Variants in CDH11 observed in about 807,000 individuals in gnomAD.
CDH11 encodes cadherin 11, also known as cadherin-11.
In CDH11, 11 loss-of-function variants were observed where a neutral mutation model predicts 67.8. The observed-to-expected ratio is 0.16, with a 90% CI of 0.10 to 0.27. The LOEUF is 0.27. Ranked by LOEUF, CDH11 falls within the 10% of genes least tolerant of loss-of-function variation. The pLI, the probability that CDH11 is intolerant of heterozygous loss-of-function variation, is 1.00. For missense variants in CDH11, 847 were observed against 1,031.2 expected, an observed-to-expected ratio of 0.82 and a Z score of 2.45; for synonymous variants, 419 against 400.0, an observed-to-expected ratio of 1.05 and a Z score of -0.57.
intron 1 of CDH11, among the ~76,000 whole-genome samples, chr16:65,067,492 C>CTCAT (rs894566035): frequency 6.6e-5 from 10 of 152,192 alleles, no homozygotes; most frequent in Non-Finnish European, 1.0e-4. Flanking sequence ...TTCTTTGTTG[C>CTCAT]TCATTCATTC....
intron 1 of CDH11, among the ~76,000 whole-genome samples, chr16:65,084,257 G>A (rs371058154): frequency 6.6e-6 from 1 of 152,194 alleles, no homozygotes; most frequent in Non-Finnish European, 1.5e-5. Context: ...GGGAGGCCAC[G>A]GTGGGAGGAT....
At chr16:65,082,261 A>G (rs2142803255) in intron 1 of CDH11, among the ~76,000 whole-genome samples, 1 of 152,300 alleles carries the variant, frequency 6.6e-6, no homozygotes, top group Non-Finnish European at 1.5e-5. Flanking sequence ...GAAAGCTCAC[A>G]CTTTAACAGG....
chr16:65,004,988 GTC>G lies in CDH11; in HGVS notation c.-121_-120del. The G allele has an allele frequency of 1.4e-6, 2 of 1,421,128 alleles. No homozygotes were observed. Among genetic ancestry groups the G allele is most frequent in the Non-Finnish European group, 1.8e-6 (2 of 1,084,646 alleles). 88.0% of individuals were successfully genotyped at this position (1,421,128 alleles called of 1,614,324 possible). ...ACGCAGACCTCTCTTGGGATGGAATGTCTCTGCTGGTTGAGCTCATCACGTCA... is the reference window on the plus strand; with the variant it reads ...ACGCAGACCTCTCTTGGGATGGAATGTCTGCTGGTTGAGCTCATCACGTCA... On this transcript the variant is annotated 5_prime_UTR_variant, in exon 3 of 13. It removes the in-frame stop codon of an upstream open reading frame in the 5' UTR. Coordinates refer to ENST00000268603, the MANE Select transcript of CDH11 (RefSeq NM_001797.4).
chr16:65,099,947 C>T (rs1357563740), intron 1 of CDH11, among the ~76,000 whole-genome samples: 1 of 151,874 alleles, frequency 6.6e-6, no homozygotes, highest in Non-Finnish European at 1.5e-5. Context: ...AGGAAGGAGG[C>T]AAAGAGGGCA....
chr16:65,045,651 A>G (rs1373958930), intron 2 of CDH11, among the ~76,000 whole-genome samples: 1 of 152,064 alleles, frequency 6.6e-6, no homozygotes, highest in Non-Finnish European at 1.5e-5. Flanking sequence ...GTTAGTAGCC[A>G]GGAAAGGAAA....
At chr16:65,027,690 T>C (rs1300459720) in intron 2 of CDH11, among the ~76,000 whole-genome samples, 2 of 152,208 alleles carry the variant, frequency 1.3e-5, no homozygotes, top group Non-Finnish European at 2.9e-5. Flanking sequence ...TGGCTGCCCA[T>C]GAAACCACAG....
At chr16:64,982,504 C>T (rs548549321) in intron 7 of CDH11, 3 of 565,382 alleles carry the variant, frequency 5.3e-6, no homozygotes, top group Admixed American at 3.2e-5. Flanking sequence ...ATGGGTCATT[C>T]GAAGAGCACA....
chr16:64,949,323 T>C (rs2071286852), intron 12 of CDH11, among the ~76,000 whole-genome samples: 1 of 152,122 alleles, frequency 6.6e-6, no homozygotes, highest in African/African-American at 2.4e-5. Context: ...TATCCAAGCC[T>C]CTGTCCTCAG....
intron 8 of CDH11, 50 bp from the exon 9 acceptor site, chr16:64,973,090 T>C: frequency 6.4e-7 from 1 of 1,557,848 alleles, no homozygotes; most frequent in Non-Finnish European, 8.8e-7. Flanking sequence ...CAGAGCAGCT[T>C]AATATTTGAA....
At chr16:64,985,363 T>C (rs917283842) in intron 7 of CDH11, 47 of 152,186 alleles carry the variant, frequency 3.1e-4, no homozygotes, top group Non-Finnish European at 1.0e-4. Context: ...CAATTCTTTG[T>C]AACATCTCCC....
intron 1 of CDH11, among the ~76,000 whole-genome samples, chr16:65,061,701 A>G (rs1338345563): frequency 6.6e-6 from 1 of 152,258 alleles, no homozygotes; most frequent in Non-Finnish European, 1.5e-5. Context: ...GATTTAAGGC[A>G]TGAATGCCAT....
At chr16:65,004,532 A>G (rs1248604759) in intron 3 of CDH11, 110 bp downstream of exon 3, 38 of 1,112,776 alleles carry the variant, frequency 3.4e-5, no homozygotes, top group Non-Finnish European at 4.5e-5. Context: ...TCTTCAAGCC[A>G]TTGGTGTTTT....
chr16:65,104,275 G>A (rs1380263299), intron 1 of CDH11, among the ~76,000 whole-genome samples: 3 of 152,120 alleles, frequency 2.0e-5, no homozygotes, highest in African/African-American at 7.2e-5. Flanking sequence ...AGCAGCAATA[G>A]ATTAGTCAAT....
chr16:64,989,466 A>G (rs1360800675), intron 6 of CDH11, among the ~76,000 whole-genome samples: 1 of 152,204 alleles, frequency 6.6e-6, no homozygotes, highest in African/African-American at 2.4e-5. Flanking sequence ...GGAATCTAAA[A>G]TGACTGAGGA....
chr16:65,024,025 T>A (rs1207685955), intron 2 of CDH11, among the ~76,000 whole-genome samples: 1 of 152,058 alleles, frequency 6.6e-6, no homozygotes, highest in Non-Finnish European at 1.5e-5. Flanking sequence ...CAAGGTGGAG[T>A]CACTCTGGTT....
intron 2 of CDH11, among the ~76,000 whole-genome samples, chr16:65,050,083 C>T (rs1205160981): frequency 6.6e-6 from 1 of 152,142 alleles, no homozygotes; most frequent in Non-Finnish European, 1.5e-5. Flanking sequence ...AGCAGGATGC[C>T]AATGTGTGTA....
intron 1 of CDH11, among the ~76,000 whole-genome samples, chr16:65,060,006 A>G (rs953883186): frequency 1.3e-5 from 2 of 152,186 alleles, no homozygotes; most frequent in Non-Finnish European, 2.9e-5. Flanking sequence ...CTGAGGTACT[A>G]GAAGCTCCAG....
chr16:64,998,919 C>G, intron 3 of CDH11, 63 bp from the exon 4 acceptor site: 1 of 1,326,856 alleles, frequency 7.5e-7, no homozygotes, highest in Non-Finnish European at 1.1e-6. Flanking sequence ...AACTCACTTA[C>G]AAGTGATTGC....
At chr16:65,018,118 A>G (rs567200044) in intron 2 of CDH11, among the ~76,000 whole-genome samples, 34 of 152,302 alleles carry the variant, frequency 2.2e-4, no homozygotes, top group African/African-American at 7.5e-4. Context: ...TCATGAATTT[A>G]TCTGTGCCTG....
Sources: gnomAD v4.1 joint callset for allele counts (sites outside exome capture counted in the v4.1 genomes callset) on GRCh38, gnomAD v4.1.1 for gene constraint, MANE v1.5 for transcripts, NCBI Gene and HGNC (gene_info 2026-07-23, HGNC 2026-07-21) for gene names.